Variants in DMD observed in about 807,000 individuals in gnomAD.
The protein encoded by DMD is mutant dystrophin.
A neutral mutation model predicts 330.1 loss-of-function variants in DMD; 63 were observed. That is an observed-to-expected ratio of 0.19 (90% CI 0.16 to 0.24). The LOEUF is 0.24. Ranked by LOEUF, DMD falls within the 10% of genes least tolerant of loss-of-function variation. The pLI, the probability that DMD is intolerant of heterozygous loss-of-function variation, is 1.00. For synonymous variants in DMD, 1,223 were observed against 959.8 expected (o/e 1.27, Z -5.07); for missense variants, 3,344 against 2,684.1 (o/e 1.25, Z -5.43).
intron 57 of DMD, among the ~76,000 whole-genome samples, chrX:31,492,128 C>T (rs2069362571): frequency 8.9e-6 from 1 of 112,080 alleles, no homozygotes; most frequent in South Asian, 3.7e-4. Flanking sequence ...GGATTCTATA[C>T]AAACAACAAT....
intron 2 of DMD, among the ~76,000 whole-genome samples, chrX:32,892,582 G>C (rs1319376133): frequency 9.0e-6 from 1 of 110,903 alleles, no homozygotes; most frequent in African/African-American, 3.3e-5. Context: ...ATTTGTAGTA[G>C]AGACGGGGTT....
Position 32,754,199 on chromosome X carries a change from T to C in DMD, c.650-54906A>G, listed in dbSNP as rs189499752. Among the ~76,000 whole-genome samples the C allele has an allele frequency of 1.4e-3, 155 of 111,232 alleles. 1 individual carries two copies. The highest frequency in any genetic ancestry group is 4.6e-3 in the African/African-American group (141 of 30,529). On this transcript the variant is annotated intron_variant, in intron 7 of 78. Coordinates refer to ENST00000357033, the MANE Select transcript of DMD (RefSeq NM_004006.3). ...TTTTACATGTATGTAACTACATACA[T>C]ACATGTTAAACTTAAATATTTTCAA... is the stretch of plus-strand genomic sequence containing the variant.
chrX:33,037,365 GA>G (rs201304078), intron 1 of DMD, among the ~76,000 whole-genome samples: 38,061 of 97,684 alleles, frequency 0.39, 5,675 homozygotes, highest in Non-Finnish European at 0.47. Flanking sequence ...AACTATACAG[GA>G]AAAAAAAAAA....
chrX:31,793,149 A>G, intron 50 of DMD, among the ~76,000 whole-genome samples: 1 of 111,007 alleles, frequency 9.0e-6, no homozygotes, highest in Admixed American at 9.6e-5. Context: ...TCTGATGTCC[A>G]GCTGTAGTCC....
chrX:32,593,352 T>C (rs2055153273), intron 13 of DMD, among the ~76,000 whole-genome samples: 1 of 112,809 alleles, frequency 8.9e-6, no homozygotes. Context: ...AAGCTTATTT[T>C]TTGCCTTTAT....
At chrX:31,489,155 T>G (rs1483424718) in intron 57 of DMD, among the ~76,000 whole-genome samples, 2 of 112,086 alleles carry the variant, frequency 1.8e-5, no homozygotes, top group Non-Finnish European at 3.8e-5. Flanking sequence ...TTGTTTGTTT[T>G]TTTGAGACAG....
At chrX:32,557,596 G>T (rs1216967661) in intron 16 of DMD, among the ~76,000 whole-genome samples, 4 of 111,798 alleles carry the variant, frequency 3.6e-5, no homozygotes, top group African/African-American at 1.3e-4. Context: ...AAAACATACT[G>T]CATAATCATA....
chrX:33,101,189 T>C (rs1202958368), intron 1 of DMD, among the ~76,000 whole-genome samples: 4 of 112,542 alleles, frequency 3.6e-5, no homozygotes, highest in Admixed American at 1.9e-4. Context: ...ATTGTTAATG[T>C]CCTACTAAAG....
intron 9 of DMD, among the ~76,000 whole-genome samples, chrX:32,668,984 A>G (rs1224810910): frequency 9.0e-6 from 1 of 111,415 alleles, no homozygotes; most frequent in South Asian, 3.8e-4. Context: ...CACATATTTT[A>G]TATAGCACAT....
chrX:32,843,613 T>A (rs1407688136), intron 4 of DMD, among the ~76,000 whole-genome samples: 2 of 112,324 alleles, frequency 1.8e-5, no homozygotes, highest in Admixed American at 1.9e-4. Context: ...TTATTATTAA[T>A]CTATCCCTGC....
intron 63 of DMD, among the ~76,000 whole-genome samples, chrX:31,231,767 C>A (rs1366465357): frequency 2.7e-5 from 3 of 111,902 alleles, no homozygotes; most frequent in Non-Finnish European, 5.6e-5. Flanking sequence ...GTAATCCCAG[C>A]TACTACCTGG....
chrX:31,607,533 C>T (rs2148268506), intron 55 of DMD, among the ~76,000 whole-genome samples: 1 of 111,889 alleles, frequency 8.9e-6, no homozygotes, highest in South Asian at 3.6e-4. Context: ...CAGTTCATGC[C>T]GCTAATTCAT....
chrX:33,291,693 C>T (rs1054775878), intron 1 of DMD, among the ~76,000 whole-genome samples: 19 of 110,911 alleles, frequency 1.7e-4, no homozygotes, highest in African/African-American at 5.9e-4. Context: ...TCTGTGTCTC[C>T]GTCTTCATCT....
intron 1 of DMD, among the ~76,000 whole-genome samples, chrX:33,180,907 G>C (rs963623007): frequency 9.4e-6 from 1 of 106,774 alleles, no homozygotes; most frequent in East Asian, 2.9e-4. Context: ...GAGAGGTACT[G>C]GGCTAGGTGA....
At chrX:31,880,563 CTATTA>C (rs1382222474) in intron 47 of DMD, among the ~76,000 whole-genome samples, 1 of 112,255 alleles carries the variant, frequency 8.9e-6, no homozygotes, top group Non-Finnish European at 1.9e-5. Context: ...TATTATTTAT[CTATTA>C]TATTAGTTTC....
intron 5 of DMD, 106 bp downstream of exon 5, chrX:32,823,189 G>A (rs954127761): frequency 1.0e-4 from 64 of 636,964 alleles, no homozygotes; most frequent in Non-Finnish European, 1.5e-4. Context: ...CTATGGAGCA[G>A]GGTTTGTTAT....
chrX:31,469,780 A>G (rs1045188103), intron 59 of DMD, among the ~76,000 whole-genome samples: 14 of 111,633 alleles, frequency 1.3e-4, no homozygotes, highest in Non-Finnish European at 2.1e-4. Context: ...ACTTGGTTCC[A>G]TTCTCCCCAT....
At position 32,891,819 on chromosome X, in the gene DMD, A is replaced by C. The variant is rs760424847; in HGVS notation, c.94-41999T>G. Among the ~76,000 whole-genome samples the C allele has an allele frequency of 3.9e-5, 3 of 76,424 alleles. No individual in the cohort carries two copies. In the East Asian group the frequency reaches 1.8e-3, roughly 46 times the overall value. 66.4% of individuals were successfully genotyped at this position (76,424 alleles called of 115,157 possible). A position where few individuals can be genotyped will look rare whatever the true frequency, so the allele number is the denominator to read the frequency against. On this transcript the variant is annotated intron_variant, in intron 2 of 78. Coordinates refer to ENST00000357033, the MANE Select transcript of DMD (RefSeq NM_004006.3). ...CCAAGGCTGGATGGCATGAAGCCCT[A>C]CACCTAGTAGTTGCTGCCATAGTCT... is the stretch of plus-strand genomic sequence containing the variant.
At chrX:32,060,987 G>A (rs949318793) in intron 44 of DMD, among the ~76,000 whole-genome samples, 3 of 110,925 alleles carry the variant, frequency 2.7e-5, no homozygotes, top group Non-Finnish European at 5.7e-5. Context: ...ATAATAAAAC[G>A]CACTTTGGCC....
Sources: allele counts gnomAD v4.1 joint callset (sites outside exome capture counted in the v4.1 genomes callset), GRCh38; gene constraint gnomAD v4.1.1; transcripts MANE v1.5; gene names NCBI Gene and HGNC (gene_info 2026-07-23, HGNC 2026-07-21).